Variants in TIPIN observed in about 807,000 individuals in gnomAD.
The protein encoded by TIPIN is TIMELESS interacting protein.
TIPIN carries 29 observed loss-of-function variants against 35.6 expected under a neutral mutation model. That is an observed-to-expected ratio of 0.82 (90% confidence interval 0.61 to 1.11). The LOEUF (loss-of-function observed/expected upper bound fraction) is 1.11. TIPIN is among the 50% of genes most tolerant of loss of function. TIPIN has a pLI of 0.00. For synonymous variants in TIPIN, 102 were observed against 121.5 expected (o/e 0.84, Z 1.06); for missense variants, 296 against 345.4 (o/e 0.86, Z 1.13).
intron 1 of TIPIN, among the ~76,000 whole-genome samples, chr15:66,377,868 A>G (rs1235063064): frequency 3.4e-5 from 5 of 148,970 alleles, no homozygotes; most frequent in Non-Finnish European, 1.5e-5. Context: ...TTTTCTTGAG[A>G]CGGAGTCTCG....
chr15:66,344,703 A>AG (rs1330603647), intron 6 of TIPIN, among the ~76,000 whole-genome samples: 3 of 151,476 alleles, frequency 2.0e-5, no homozygotes, highest in African/African-American at 7.3e-5. Flanking sequence ...AAAAAAGAAA[A>AG]AAAAAAAAAA....
intron 1 of TIPIN, among the ~76,000 whole-genome samples, chr15:66,363,696 A>T (rs548520116): frequency 6.7e-6 from 1 of 149,690 alleles, no homozygotes; most frequent in South Asian, 2.1e-4. Flanking sequence ...TCTTGAAAAG[A>T]GCACCGCTGG....
intron 7 of TIPIN, among the ~76,000 whole-genome samples, chr15:66,340,621 C>T (rs956180721): frequency 3.3e-5 from 5 of 150,134 alleles, no homozygotes; most frequent in East Asian, 2.0e-4. Context: ...TTTTTGAGAG[C>T]GTCTCACTCA....
chr15:66,380,086 C>G (rs536839401), intron 1 of TIPIN: 143 of 381,640 alleles, frequency 3.7e-4, no homozygotes, highest in Admixed American at 7.3e-4. Context: ...ACTGCAACCT[C>G]CGCCTCTCAG....
upstream of TIPIN, among the ~76,000 whole-genome samples, chr15:66,358,350 A>C (rs2093216287): frequency 6.6e-6 from 1 of 152,176 alleles, no homozygotes; most frequent in African/African-American, 2.4e-5. Context: ...CAAATATAGC[A>C]TCATTAAGAT....
At chr15:66,372,884 C>A (rs1341061012) in intron 1 of TIPIN, among the ~76,000 whole-genome samples, 1 of 150,970 alleles carries the variant, frequency 6.6e-6, no homozygotes, top group Non-Finnish European at 1.5e-5. Context: ...GCCTGGGTGA[C>A]AGAGCAAGAC....
chr15:66,353,261 ATAGGG>A (rs773935970), intron 1 of TIPIN, among the ~76,000 whole-genome samples: 7 of 152,168 alleles, frequency 4.6e-5, no homozygotes, highest in Admixed American at 2.0e-4. Flanking sequence ...CTGTGATCCA[ATAGGG>A]TATGAAATAC....
At chr15:66,377,549 G>A (rs929193286) in intron 1 of TIPIN, among the ~76,000 whole-genome samples, 73 of 152,116 alleles carry the variant, frequency 4.8e-4, no homozygotes, top group African/African-American at 1.7e-3. Flanking sequence ...ATTTTTAGTA[G>A]AGATGGGGTT....
At chr15:66,349,817 T>C (rs1392083896) in intron 4 of TIPIN, among the ~76,000 whole-genome samples, 4 of 150,838 alleles carry the variant, frequency 2.7e-5, no homozygotes, top group Non-Finnish European at 5.9e-5. Context: ...GGGGCAGAGG[T>C]TGCAGTGAGC....
chr15:66,362,032 A>G (rs1281502064), intron 1 of TIPIN, among the ~76,000 whole-genome samples: 1 of 148,752 alleles, frequency 6.7e-6, no homozygotes, highest in Non-Finnish European at 1.5e-5. Context: ...TGCCGGGCAC[A>G]GTGGCTCATG....
intron 6 of TIPIN, 69 bp from the exon 7 acceptor site, chr15:66,341,425 G>T: frequency 1.4e-6 from 2 of 1,421,946 alleles, no homozygotes; most frequent in Non-Finnish European, 9.5e-7. Context: ...CATTGAAAAA[G>T]AATTTAAAGT....
intron 4 of TIPIN, among the ~76,000 whole-genome samples, chr15:66,350,289 GA>G (rs574194804): frequency 3.3e-5 from 5 of 151,132 alleles, no homozygotes; most frequent in African/African-American, 7.3e-5. Flanking sequence ...AAAATTAGAT[GA>G]AAAAAAATCC....
chr15:66,369,353 C>CTTTTTTTT (rs59189335), intron 1 of TIPIN, among the ~76,000 whole-genome samples: 1 of 118,610 alleles, frequency 8.4e-6, no homozygotes, highest in Non-Finnish European at 1.6e-5. Flanking sequence ...TTCACAATAT[C>CTTTTTTTT]TTTTTTTTTT....
chr15:66,366,459 A>G (rs1044592097), intron 1 of TIPIN, among the ~76,000 whole-genome samples: 10 of 151,448 alleles, frequency 6.6e-5, no homozygotes, highest in African/African-American at 2.4e-4. Context: ...GTCTCAAAAA[A>G]TAAAGCACAT....
chr15:66,370,329 T>A (rs1447192549), intron 1 of TIPIN, among the ~76,000 whole-genome samples: 1 of 152,176 alleles, frequency 6.6e-6, no homozygotes, highest in Non-Finnish European at 1.5e-5. Flanking sequence ...TGAAATTGCA[T>A]CATCTTTCAC....
At chr15:66,350,483 C>A (rs1446036222) in intron 4 of TIPIN, among the ~76,000 whole-genome samples, 1 of 151,420 alleles carries the variant, frequency 6.6e-6, no homozygotes, top group Non-Finnish European at 1.5e-5. Flanking sequence ...TGGGCACTTG[C>A]AATCCCAGCT....
intron 1 of TIPIN, among the ~76,000 whole-genome samples, chr15:66,374,344 T>C (rs2093288196): frequency 6.6e-6 from 1 of 151,204 alleles, no homozygotes; most frequent in Non-Finnish European, 1.5e-5. Flanking sequence ...TCTTTTCATA[T>C]ATTTATCGAC....
chr15:66,372,859 T>C (rs1006618762), intron 1 of TIPIN, among the ~76,000 whole-genome samples: 20 of 151,712 alleles, frequency 1.3e-4, no homozygotes, highest in African/African-American at 4.6e-4. Context: ...GCTGAGATCA[T>C]GCCACTGCAT....
At chr15:66,363,279 G>A (rs1486845783) in intron 1 of TIPIN, among the ~76,000 whole-genome samples, 3 of 152,100 alleles carry the variant, frequency 2.0e-5, no homozygotes, top group East Asian at 3.9e-4. Flanking sequence ...AGGCCGAGGC[G>A]GGCGGATTGC....
Sources: allele counts gnomAD v4.1 joint callset (sites outside exome capture counted in the v4.1 genomes callset), GRCh38; gene constraint gnomAD v4.1.1; transcripts MANE v1.5; gene names NCBI Gene and HGNC (gene_info 2026-07-23, HGNC 2026-07-21).